Variants in ERAP1 observed in about 807,000 individuals in gnomAD.
ERAP1 encodes the protein adipocyte-derived leucine aminopeptidase.
In ERAP1, 86 loss-of-function variants were observed where a neutral mutation model predicts 103.7. The observed-to-expected ratio is 0.83, with a 90% CI of 0.70 to 0.99. The LOEUF is 0.99. Among genes scored for constraint, ERAP1 ranks in the 50% least tolerant of loss-of-function variants. The pLI, the probability that ERAP1 is intolerant of heterozygous loss-of-function variation, is 0.00. For missense variants in ERAP1, 1,009 were observed against 1,128.4 expected, an observed-to-expected ratio of 0.89 and a Z score of 1.52; for synonymous variants, 398 against 402.4, an observed-to-expected ratio of 0.99 and a Z score of 0.13.
the ERAP1 span, among the ~76,000 whole-genome samples, chr5:96,911,674 C>T: frequency 6.6e-6 from 1 of 151,702 alleles, no homozygotes; most frequent in African/African-American, 2.4e-5. Context: ...GAATTTGAGA[C>T]CAGCCTTGTC....
the ERAP1 span, among the ~76,000 whole-genome samples, chr5:96,870,061 T>C: frequency 1.3e-5 from 2 of 152,240 alleles, no homozygotes; most frequent in Admixed American, 6.5e-5. Flanking sequence ...ATTCCAGAAA[T>C]TCCCCAGGGG....
chr5:96,841,379 T>G, the ERAP1 span, among the ~76,000 whole-genome samples: 1 of 152,224 alleles, frequency 6.6e-6, no homozygotes, highest in Non-Finnish European at 1.5e-5. Flanking sequence ...TGCTTAGAAC[T>G]TGTTGTTTAC....
At chr5:96,814,877 T>G in the ERAP1 span, among the ~76,000 whole-genome samples, 1 of 152,220 alleles carries the variant, frequency 6.6e-6, no homozygotes, top group South Asian at 2.1e-4. Flanking sequence ...TCCTTGGGAC[T>G]AGGGGTCCGA....
At chr5:96,873,056 G>A in the ERAP1 span, among the ~76,000 whole-genome samples, 1 of 152,186 alleles carries the variant, frequency 6.6e-6, no homozygotes, top group Non-Finnish European at 1.5e-5. Context: ...AGGCATGGTG[G>A]TGGGCGCCTG....
the ERAP1 span, among the ~76,000 whole-genome samples, chr5:96,813,178 C>T: frequency 6.6e-6 from 1 of 152,118 alleles, no homozygotes; most frequent in Non-Finnish European, 1.5e-5. Flanking sequence ...GTTTTATTTA[C>T]AAAGCTGTCT....
At chr5:96,915,971 C>A in the ERAP1 span, 145,810 of 385,554 alleles carry the variant, frequency 0.38, 28,485 homozygotes, top group Non-Finnish European at 0.42. Context: ...ACCTGTAATC[C>A]CACCACTTTG....
chr5:96,794,959 C>T (rs947247935), intron 5 of ERAP1, 83 bp downstream of exon 5: 1 of 1,532,470 alleles, frequency 6.5e-7, no homozygotes, highest in African/African-American at 1.4e-5. Context: ...GCTGAGGCAA[C>T]TACAGGGATG....
the ERAP1 span, among the ~76,000 whole-genome samples, chr5:96,906,491 C>A: frequency 3.9e-5 from 6 of 152,198 alleles, no homozygotes; most frequent in East Asian, 9.6e-4. Flanking sequence ...TGGTCTCAAA[C>A]TTCTGGGCTC....
At chr5:96,922,237 G>A in the ERAP1 span, among the ~76,000 whole-genome samples, 1 of 152,202 alleles carries the variant, frequency 6.6e-6, no homozygotes, top group African/African-American at 2.4e-5. Context: ...GGCGGAGCTT[G>A]CAGTGAGCCG....
intron 3 of ERAP1, among the ~76,000 whole-genome samples, chr5:96,798,523 C>T (rs1230175238): frequency 1.3e-5 from 2 of 151,784 alleles, no homozygotes; most frequent in East Asian, 3.9e-4. Flanking sequence ...TGGGTGAAAC[C>T]ATGGTCACGG....
chr5:96,870,037 G>T, the ERAP1 span, among the ~76,000 whole-genome samples: 2 of 152,182 alleles, frequency 1.3e-5, no homozygotes, highest in South Asian at 4.1e-4. Context: ...GAAACCCAAA[G>T]AGGTGAACGA....
chr5:96,839,006 A>G, the ERAP1 span, among the ~76,000 whole-genome samples: 1 of 152,192 alleles, frequency 6.6e-6, no homozygotes, highest in African/African-American at 2.4e-5. Flanking sequence ...AGTTCCCACA[A>G]TCCCTCATGT....
chr5:96,779,734 G>A (rs746236142), intron 18 of ERAP1: 1 of 153,758 alleles, frequency 6.5e-6, no homozygotes, highest in Non-Finnish European at 1.5e-5. Context: ...CAAAGTCCTC[G>A]AGTTTAGGAC....
At chr5:96,902,198 T>C in the ERAP1 span, 2 of 1,006,370 alleles carry the variant, frequency 2.0e-6, no homozygotes, top group Admixed American at 3.5e-5. Flanking sequence ...CCTTTTACAG[T>C]CTGTCTGAGT....
rs1158031936 is a variant in ERAP1, at chr5:96,795,091, T to C, written c.870A>G (p.Leu290=). The C allele has an allele frequency of 1.2e-6, 2 of 1,614,070 alleles. No homozygotes were observed. Among genetic ancestry groups the C allele is most frequent in the Non-Finnish European group, 1.7e-6 (2 of 1,179,984 alleles). The change falls in exon 5 of 19, where the codon CTA becomes CTG. Residue 290 remains leucine (L), a synonymous_variant. Coordinates refer to ENST00000443439, the MANE Select transcript of ERAP1 (RefSeq NM_001040458.3). The part of the protein sequence containing the change: ...DYALDAAVTL[L]EFYEDYFSIP... ...TGCTGAAATAATCCTCATAAAATTC[T>C]AGAAGAGTCACCGCAGCATCCAGTG... is the stretch of plus-strand genomic sequence containing the variant.
At chr5:96,906,769 C>T in the ERAP1 span, among the ~76,000 whole-genome samples, 3 of 152,208 alleles carry the variant, frequency 2.0e-5, no homozygotes, top group African/African-American at 7.2e-5. Context: ...CAGTGGCTCA[C>T]GCCTGTAATC....
At chr5:96,780,549 AT>A (rs1775018249) in intron 17 of ERAP1, 45 bp from the exon 18 acceptor site, 4 of 1,444,178 alleles carry the variant, frequency 2.8e-6, no homozygotes, top group Non-Finnish European at 3.9e-6. Context: ...ATACTTATTC[AT>A]TTAACATATA....
At chr5:96,867,468 A>C in the ERAP1 span, among the ~76,000 whole-genome samples, 4 of 152,196 alleles carry the variant, frequency 2.6e-5, no homozygotes, top group Non-Finnish European at 5.9e-5. Context: ...CTGCTTCAAA[A>C]TGTTGGAGTC....
At chr5:96,915,101 G>A in the ERAP1 span, among the ~76,000 whole-genome samples, 6 of 151,880 alleles carry the variant, frequency 4.0e-5, no homozygotes, top group Non-Finnish European at 2.9e-5. Flanking sequence ...TCCACCTCCC[G>A]GGTTCAAGTG....
Sources: gnomAD v4.1 joint callset for allele counts (sites outside exome capture counted in the v4.1 genomes callset) on GRCh38, gnomAD v4.1.1 for gene constraint, MANE v1.5 for transcripts, NCBI Gene and HGNC (gene_info 2026-07-23, HGNC 2026-07-21) for gene names.